RAI14: variants seen among roughly 807,000 people sequenced by gnomAD.
RAI14 encodes the protein ankycorbin.
Under a neutral mutation model 115.4 loss-of-function variants are expected in RAI14, and 45 were observed. The observed-to-expected ratio is 0.39, with a 90% confidence interval of 0.31 to 0.50. The LOEUF (loss-of-function observed/expected upper bound fraction) is 0.50. RAI14 is among the 20% of genes least tolerant of loss of function. The pLI is 0.85. For synonymous variants in RAI14, 371 were observed against 415.4 expected (o/e 0.89, Z 1.30); for missense variants, 939 against 1,131.2 (o/e 0.83, Z 2.44).
chr5:34,742,991 C>A (rs1338797943), intron 2 of RAI14, among the ~76,000 whole-genome samples: 2 of 152,148 alleles, frequency 1.3e-5, no homozygotes, highest in Non-Finnish European at 2.9e-5. Context: ...ACCCAAAGCA[C>A]CACCCGGTGA....
intron 2 of RAI14, among the ~76,000 whole-genome samples, chr5:34,723,926 C>G (rs1426899116): frequency 6.6e-6 from 1 of 152,104 alleles, no homozygotes; most frequent in East Asian, 1.9e-4. Flanking sequence ...ATTGCTTGGT[C>G]TATGCTTTTT....
At chr5:34,738,119 T>C (rs892186719) in intron 2 of RAI14, among the ~76,000 whole-genome samples, 30 of 152,108 alleles carry the variant, frequency 2.0e-4, no homozygotes, top group Non-Finnish European at 1.5e-5. Flanking sequence ...AGTTGTAAGA[T>C]TTGTATTCAA....
chr5:34,688,072 A>G, intron 2 of RAI14: 1 of 1,452,826 alleles, frequency 6.9e-7, no homozygotes, highest in Admixed American at 2.9e-5. Context: ...CTTTAGGTAA[A>G]TTAAATAAAA....
chr5:34,746,740 C>G (rs543696629), intron 2 of RAI14, among the ~76,000 whole-genome samples: 1 of 152,028 alleles, frequency 6.6e-6, no homozygotes, highest in Non-Finnish European at 1.5e-5. Context: ...ACATTTAAAC[C>G]CCCCTAAAAA....
chr5:34,748,548 T>C (rs1746588763), intron 2 of RAI14, among the ~76,000 whole-genome samples: 1 of 152,236 alleles, frequency 6.6e-6, no homozygotes, highest in Non-Finnish European at 1.5e-5. Flanking sequence ...AACTCCCTGC[T>C]TGCCCAGCTG....
intron 2 of RAI14, among the ~76,000 whole-genome samples, chr5:34,740,441 CG>C (rs1395259975): frequency 4.6e-5 from 7 of 152,214 alleles, no homozygotes; most frequent in Admixed American, 1.3e-4. Context: ...TAAGCCAAGA[CG>C]GTTTTGGAGA....
rs1757985430 is a variant in RAI14 at position 34,831,043 on chromosome 5, CA to C, written c.*279del. 2 of 437,698 alleles carry C rather than the reference CA, an allele frequency of 4.6e-6. No homozygotes were observed. The highest frequency in any genetic ancestry group is 7.5e-6 in the Non-Finnish European group (2 of 268,314). The allele number at this position is 437,698 out of a possible 1,614,324, so 27.1% of individuals were successfully genotyped here. On this transcript the variant is annotated 3_prime_UTR_variant, in exon 18 of 18. Coordinates refer to ENST00000265109, the MANE Select transcript of RAI14 (RefSeq NM_015577.3). ...CCCAGAGGTCTGGTCCTGATGCTGG[CA>C]GGGGGGCCCCCTCCTCCATCCCTGA...
At chr5:34,694,899 G>T (rs2149907192) in intron 2 of RAI14, among the ~76,000 whole-genome samples, 1 of 152,134 alleles carries the variant, frequency 6.6e-6, no homozygotes, top group South Asian at 2.1e-4. Flanking sequence ...CATTTTGTCT[G>T]GGTGTGTGTA....
chr5:34,822,280 T>TAAAA (rs1756939569), intron 14 of RAI14, among the ~76,000 whole-genome samples: 2 of 97,384 alleles, frequency 2.1e-5, no homozygotes, highest in African/African-American at 4.2e-5. Flanking sequence ...ATATAAAATA[T>TAAAA]TATCCATTTA....
intron 2 of RAI14, among the ~76,000 whole-genome samples, chr5:34,739,952 T>C (rs986527321): frequency 2.6e-5 from 4 of 151,960 alleles, no homozygotes; most frequent in Non-Finnish European, 5.9e-5. Flanking sequence ...TCCCAGCTAC[T>C]TGGGAGGCAG....
chr5:34,683,968 C>T (rs1744595866), intron 1 of RAI14, among the ~76,000 whole-genome samples: 1 of 152,160 alleles, frequency 6.6e-6, no homozygotes, highest in African/African-American at 2.4e-5. Flanking sequence ...ACCTTGTGTT[C>T]CGCCGGCCTC....
In RAI14 at chr5:34,823,411, C is replaced by T. The variant is rs747766582; in HGVS notation, c.1569C>T (p.His523=). 36 of 1,613,842 alleles carry T rather than the reference C, an allele frequency of 2.2e-5. No homozygotes were observed. The highest frequency in any genetic ancestry group is 1.6e-4 in the Middle Eastern group (1 of 6,084). ...GCATGGATAATTATTCACATTTCCA[C>T]GAGCTGAGGGTCACGGAAGAGGAAA... is the stretch of plus-strand genomic sequence containing the variant. ...PESMDNYSHF[H]ELRVTEEEIN... is the part of the protein sequence containing the mutation. The change falls in exon 15 of 18, where the codon CAC becomes CAT. Residue 523 remains histidine (H), a synonymous_variant. Transcript: ENST00000265109. The surrounding 1 kb of genome is among the most constrained non-coding windows in gnomAD (Gnocchi z 4.5).
intron 12 of RAI14, among the ~76,000 whole-genome samples, chr5:34,815,881 T>A (rs887299891): frequency 6.6e-6 from 1 of 152,194 alleles, no homozygotes; most frequent in African/African-American, 2.4e-5. Context: ...TTTGCAGACA[T>A]CATGATGTAC....
chr5:34,799,497 C>CACACAG (rs1414861796), intron 4 of RAI14, among the ~76,000 whole-genome samples: 1 of 50,166 alleles, frequency 2.0e-5, no homozygotes, highest in African/African-American at 1.4e-4. Flanking sequence ...CACACAGACA[C>CACACAG]ACACACACAC....
intron 3 of RAI14, among the ~76,000 whole-genome samples, chr5:34,777,728 G>A (rs987965660): frequency 6.6e-5 from 10 of 151,992 alleles, no homozygotes; most frequent in Admixed American, 3.9e-4. Flanking sequence ...GCAGTGAGCC[G>A]AGATCGTGCT....
At chr5:34,803,059 T>TTA in intron 4 of RAI14, among the ~76,000 whole-genome samples, 1 of 152,190 alleles carries the variant, frequency 6.6e-6, no homozygotes, top group Non-Finnish European at 1.5e-5. Context: ...GGCATGGCTC[T>TTA]TATAGACACA....
intron 2 of RAI14, among the ~76,000 whole-genome samples, chr5:34,715,617 T>C (rs1401295528): frequency 6.6e-6 from 1 of 152,184 alleles, no homozygotes; most frequent in Non-Finnish European, 1.5e-5. Flanking sequence ...TCCTGACACC[T>C]CCCACCCCTC....
chr5:34,781,708 T>C (rs67278850), intron 3 of RAI14, among the ~76,000 whole-genome samples: 33,594 of 152,204 alleles, frequency 0.22, 5,035 homozygotes, highest in Non-Finnish European at 0.31. Flanking sequence ...TTCAACGTAG[T>C]TGCCATATGA....
intron 3 of RAI14, among the ~76,000 whole-genome samples, chr5:34,767,659 G>T (rs1749596819): frequency 7.9e-6 from 1 of 125,884 alleles, no homozygotes; most frequent in Non-Finnish European, 1.6e-5. Flanking sequence ...ATCATTCAAG[G>T]CCCAATTTAC....
Sources: gnomAD v4.1 joint callset for allele counts (sites outside exome capture counted in the v4.1 genomes callset) on GRCh38, gnomAD v4.1.1 for gene constraint, Gnocchi (gnomAD v3.1) non-coding constraint, MANE v1.5 for transcripts, NCBI Gene and HGNC (gene_info 2026-07-23, HGNC 2026-07-21) for gene names.